Variants in CEP112 observed in about 807,000 individuals in gnomAD.
CEP112 encodes the protein centrosomal protein of 112 kDa.
CEP112 carries 127 observed loss-of-function variants against 153.0 expected under a neutral mutation model. That is an observed-to-expected ratio of 0.83 (90% confidence interval 0.72 to 0.96). The LOEUF (loss-of-function observed/expected upper bound fraction) is 0.96. Among genes scored for constraint, CEP112 ranks in the 40% least tolerant of loss-of-function variants. The pLI, the probability that CEP112 is intolerant of heterozygous loss-of-function variation, is 0.00. For missense variants in CEP112, 1,089 were observed against 1,101.2 expected (o/e 0.99, Z 0.16); for synonymous variants, 358 against 374.4 (o/e 0.96, Z 0.51).
rs2068482191 is a variant in CEP112, at chr17:66,099,549, A to C, written c.643-2917T>G. 1.3e-5 allele frequency among the ~76,000 whole-genome samples: 2 copies of C among 151,674 alleles called. 1 individual carries two copies. The highest frequency in any genetic ancestry group is 4.2e-4 in the South Asian group (2 of 4,808). ...AGAATAAAGAAGACAAGCCAGGCTGACAACCACAAAAGGCACCATTTGTTA... is the reference window on the plus strand; with the variant it reads ...AGAATAAAGAAGACAAGCCAGGCTGCCAACCACAAAAGGCACCATTTGTTA... On this transcript the variant is annotated intron_variant, in intron 6 of 26. Coordinates refer to ENST00000535342, the MANE Select transcript of CEP112 (RefSeq NM_001199165.4).
At chr17:65,880,411 C>T (rs1464166799) in intron 20 of CEP112, among the ~76,000 whole-genome samples, 1 of 152,074 alleles carries the variant, frequency 6.6e-6, no homozygotes, top group Non-Finnish European at 1.5e-5. Context: ...GTATTAAAAA[C>T]AGGTTAAAAA....
chr17:65,640,156 T>TATATATATATATATATATATATATATA (rs1567796006), intron 25 of CEP112, among the ~76,000 whole-genome samples: 1 of 32,336 alleles, frequency 3.1e-5, no homozygotes, highest in African/African-American at 2.3e-4. Flanking sequence ...ATATATATAT[T>TATATATATATATATATATATATATATA]TTTTTTTTTT....
chr17:65,840,208 G>T (rs914075644), intron 21 of CEP112, among the ~76,000 whole-genome samples: 2 of 152,040 alleles, frequency 1.3e-5, no homozygotes, highest in African/African-American at 4.8e-5. Flanking sequence ...TAGCCAAAGT[G>T]ATCTTGTGCA....
At chr17:65,821,540 A>ATTTTT (rs869059954) in intron 21 of CEP112, among the ~76,000 whole-genome samples, 3 of 33,642 alleles carry the variant, frequency 8.9e-5, no homozygotes, top group African/African-American at 1.4e-4. Flanking sequence ...ATATATATAT[A>ATTTTT]TTTTTTTTTT....
At position 65,927,602 on chromosome 17, in the gene CEP112, T is replaced by G. The variant is rs142910314; in HGVS notation, c.1960A>C (p.Arg654=). Residue 654 remains arginine, a synonymous_variant, in exon 19 of 27, where the codon AGA becomes CGA. Coordinates refer to ENST00000535342, the MANE Select transcript of CEP112 (RefSeq NM_001199165.4). ...CCAACCTGTTGTTCATACCGCTGTC[T>G]GATGTCCTCCAGTTGCCATAAAAAC... ...KEFLWQLEDI[R]QRYEQQIVEL... 106 of 1,600,396 alleles carry G rather than the reference T, an allele frequency of 6.6e-5. No homozygotes were observed. The highest frequency in any genetic ancestry group is 4.9e-4 in the Admixed American group (28 of 57,054).
At chr17:65,792,559 A>C (rs889102650) in intron 21 of CEP112, among the ~76,000 whole-genome samples, 10 of 143,590 alleles carry the variant, frequency 7.0e-5, no homozygotes, top group African/African-American at 2.3e-4. Context: ...GAAGAAATAC[A>C]TCATACAGGA....
intron 23 of CEP112, among the ~76,000 whole-genome samples, chr17:65,718,203 C>A (rs964292252): frequency 6.6e-6 from 1 of 151,964 alleles, no homozygotes; most frequent in African/African-American, 2.4e-5. Context: ...GTCAGGAGTT[C>A]GAGACCAGGC....
chr17:66,031,085 G>A (rs2145729288), intron 12 of CEP112, among the ~76,000 whole-genome samples: 1 of 152,220 alleles, frequency 6.6e-6, no homozygotes, highest in East Asian at 1.9e-4. Context: ...TACAATTCTA[G>A]ACTGACAAAC....
intron 21 of CEP112, among the ~76,000 whole-genome samples, chr17:65,752,371 C>T (rs891958383): frequency 6.6e-6 from 1 of 152,146 alleles, no homozygotes; most frequent in African/African-American, 2.4e-5. Flanking sequence ...ATGCCAGCAT[C>T]TGACTGGATT....
At chr17:65,815,271 G>A (rs531698046) in intron 21 of CEP112, among the ~76,000 whole-genome samples, 48 of 152,138 alleles carry the variant, frequency 3.2e-4, no homozygotes, top group African/African-American at 1.2e-3. Context: ...ACTATTTGTG[G>A]AAAGACTATC....
intron 12 of CEP112, among the ~76,000 whole-genome samples, chr17:66,051,132 C>A (rs1401050): frequency 0.98 from 145,766 of 148,670 alleles, 71,520 homozygotes; most frequent in East Asian, 1. Context: ...AGCACACCCC[C>A]CCGGGCCTAG....
intron 23 of CEP112, among the ~76,000 whole-genome samples, chr17:65,725,743 GA>G (rs920384369): frequency 8.5e-5 from 13 of 152,170 alleles, no homozygotes; most frequent in Non-Finnish European, 1.6e-4. Context: ...TCAGAAGGAT[GA>G]AAAAACGGAA....
rs34325518 is a variant in CEP112 at position 65,974,953 on chromosome 17, T to TA, written c.1737-13356dup. Among the ~76,000 whole-genome samples the TA allele has an allele frequency of 9.0e-3, 1,319 of 147,356 alleles. 5 individuals are homozygous for TA. The highest frequency in any genetic ancestry group is 0.011 in the Non-Finnish European group (726 of 66,084). ...GGAATCATATTAATGTTTTATTTAC[T>TA]AAAAAAAAAAAAATGAAATAAGGAC... On this transcript the variant is annotated intron_variant, in intron 17 of 26. Transcript: ENST00000535342.
chr17:65,971,570 T>C (rs1290587889), intron 17 of CEP112, among the ~76,000 whole-genome samples: 3 of 152,124 alleles, frequency 2.0e-5, no homozygotes, highest in East Asian at 1.9e-4. Flanking sequence ...GTGTTGTATG[T>C]ATATGGCATG....
intron 18 of CEP112, among the ~76,000 whole-genome samples, chr17:65,940,038 A>G (rs2061461822): frequency 6.6e-6 from 1 of 152,210 alleles, no homozygotes. Context: ...AAATAACTCA[A>G]TAGCAAGAAA....
chr17:66,107,163 T>C (rs1031296460), intron 6 of CEP112, among the ~76,000 whole-genome samples: 1 of 152,136 alleles, frequency 6.6e-6, no homozygotes, highest in African/African-American at 2.4e-5. Context: ...AAAAGTCATA[T>C]ACAACAGACC....
Position 66,150,024 on chromosome 17 carries a change from G to C in CEP112, c.471-17261C>G, listed in dbSNP as rs1171164029. 2.0e-5 allele frequency among the ~76,000 whole-genome samples: 3 copies of C among 146,728 alleles called. No homozygotes were observed. The Admixed American group carries it at 2.1e-4, about 10-fold the overall frequency. ...TTCTCCTGCCTCGGCCTCCCGAGTAGCTGGCACTACGGGCGCATGCTATCA... is the reference window on the plus strand; with the variant it reads ...TTCTCCTGCCTCGGCCTCCCGAGTACCTGGCACTACGGGCGCATGCTATCA... On this transcript the variant is annotated intron_variant, in intron 4 of 26. Coordinates refer to ENST00000535342, the MANE Select transcript of CEP112 (RefSeq NM_001199165.4).
intron 21 of CEP112, among the ~76,000 whole-genome samples, chr17:65,850,053 C>T (rs912133171): frequency 6.7e-6 from 1 of 148,436 alleles, no homozygotes; most frequent in African/African-American, 2.5e-5. Flanking sequence ...ACTCAGGAGG[C>T]TGAGGCAGGA....
intron 11 of CEP112, among the ~76,000 whole-genome samples, chr17:66,060,287 T>A (rs74837157): frequency 0.041 from 6,215 of 152,190 alleles, 159 homozygotes; most frequent in South Asian, 0.048. Context: ...CTAAAATAAA[T>A]GCTGAAATTA....
Sources: allele counts gnomAD v4.1 joint callset (sites outside exome capture counted in the v4.1 genomes callset), GRCh38; gene constraint gnomAD v4.1.1; transcripts MANE v1.5; gene names NCBI Gene and HGNC (gene_info 2026-07-23, HGNC 2026-07-21).